The following PTPRD variants were observed in gnomAD, a reference collection of about 807,000 sequenced individuals.
The protein encoded by PTPRD is receptor-type tyrosine-protein phosphatase delta.
PTPRD carries 34 observed loss-of-function variants against 214.5 expected under a neutral mutation model. The ratio of observed to expected loss-of-function variants is 0.16; its 90% CI spans 0.12 to 0.21. The LOEUF (loss-of-function observed/expected upper bound fraction) is 0.21, where lower values mean the gene tolerates loss of function less well. Among genes scored for constraint, PTPRD ranks in the 10% least tolerant of loss-of-function variants. The probability of loss-of-function intolerance (pLI) is 1.00; values close to 1 mark genes in which losing one functional copy is unlikely to be tolerated. For synonymous variants in PTPRD, 1,128 were observed against 845.7 expected (o/e 1.33, Z -5.79); for missense variants, 2,545 against 2,398.7 (o/e 1.06, Z -1.27).
intron 7 of PTPRD, among the ~76,000 whole-genome samples, chr9:9,696,853 T>C (rs1400548079): frequency 6.6e-6 from 1 of 152,106 alleles, no homozygotes; most frequent in Non-Finnish European, 1.5e-5. Context: ...GTTACTTGCT[T>C]TCTGGTTGTT....
rs536041445 is a variant in PTPRD, at chr9:8,983,052, A to G, written c.-104+35645T>C. On this transcript the variant is annotated intron_variant, in intron 11 of 45. Coordinates refer to ENST00000381196, the MANE Select transcript of PTPRD (RefSeq NM_002839.4). ...ACTCTTTAATGTACTGTGGAAAAAA[A>G]TCTATTTGATGGGATACACTTTTTC... Among the ~76,000 whole-genome samples, 82 of 152,182 alleles carry G rather than the reference A, an allele frequency of 5.4e-4. 1 individual carries two copies. The South Asian group carries it at 0.016, about 30-fold the overall frequency.
chr9:9,681,764 A>T (rs2097077639), intron 7 of PTPRD, among the ~76,000 whole-genome samples: 1 of 151,844 alleles, frequency 6.6e-6, no homozygotes, highest in African/African-American at 2.4e-5. Flanking sequence ...TACTTTAATT[A>T]AAAGGTGGTC....
intron 4 of PTPRD, among the ~76,000 whole-genome samples, chr9:9,957,342 A>C (rs1404020422): frequency 1.3e-5 from 2 of 152,194 alleles, no homozygotes; most frequent in East Asian, 3.8e-4. Context: ...AGACATATTG[A>C]TACAAAGCTT....
chr9:10,434,615 T>C (rs1285707166), intron 2 of PTPRD, among the ~76,000 whole-genome samples: 1 of 151,884 alleles, frequency 6.6e-6, no homozygotes, highest in Non-Finnish European at 1.5e-5. Context: ...TAGTAAAGGC[T>C]AACAGAGTCA....
At chr9:9,946,340 CTG>C (rs1566604883) in intron 4 of PTPRD, among the ~76,000 whole-genome samples, 1 of 152,082 alleles carries the variant, frequency 6.6e-6, no homozygotes, top group Non-Finnish European at 1.5e-5. Context: ...ATAAGTATAA[CTG>C]AGAGATGCAC....
At chr9:10,035,813 T>C (rs1240866558) in intron 3 of PTPRD, among the ~76,000 whole-genome samples, 2 of 144,800 alleles carry the variant, frequency 1.4e-5, no homozygotes, top group Non-Finnish European at 3.0e-5. Context: ...ATAATAAAAG[T>C]TTACTTCATT....
chr9:8,930,322 T>A (rs917092063), intron 11 of PTPRD, among the ~76,000 whole-genome samples: 1 of 152,246 alleles, frequency 6.6e-6, no homozygotes, highest in South Asian at 2.1e-4. Flanking sequence ...TAGTATTCCA[T>A]GGTGTATATG....
chr9:10,121,739 A>C (rs1288636595), intron 3 of PTPRD, among the ~76,000 whole-genome samples: 1 of 152,154 alleles, frequency 6.6e-6, no homozygotes, highest in African/African-American at 2.4e-5. Flanking sequence ...CTGTAACTTA[A>C]ATATTGAGTC....
intron 3 of PTPRD, among the ~76,000 whole-genome samples, chr9:10,183,064 G>T (rs1246585840): frequency 6.6e-6 from 1 of 152,064 alleles, no homozygotes; most frequent in African/African-American, 2.4e-5. Flanking sequence ...ATAAGAATAA[G>T]AATAATGCTA....
rs1566280789 is a variant in PTPRD at position 10,469,747 on chromosome 9, T to C, written c.-599-128730A>G. On this transcript the variant is annotated intron_variant, in intron 2 of 45. Coordinates refer to ENST00000381196, the MANE Select transcript of PTPRD (RefSeq NM_002839.4). ...AGCACTATTCACAGTAGCCAATATA[T>C]AGAACCAACCCAAGTGTCCATGAAT... is the stretch of plus-strand genomic sequence containing the variant. Among the ~76,000 whole-genome samples, 2 of 152,014 alleles carry C rather than the reference T, an allele frequency of 1.3e-5. 1 individual carries two copies. The highest frequency in any genetic ancestry group is 4.1e-4 in the South Asian group (2 of 4,826).
intron 3 of PTPRD, among the ~76,000 whole-genome samples, chr9:10,133,731 A>T (rs1227446151): frequency 6.6e-6 from 1 of 152,182 alleles, no homozygotes; most frequent in Non-Finnish European, 1.5e-5. Context: ...CCTGTTTTAA[A>T]TAATTTTTGA....
chr9:9,831,062 G>T (rs538972504), intron 5 of PTPRD, among the ~76,000 whole-genome samples: 1 of 151,998 alleles, frequency 6.6e-6, no homozygotes, highest in East Asian at 1.9e-4. Flanking sequence ...AAGGTGAAAT[G>T]CCTTATTTAT....
At chr9:9,217,664 T>C (rs983863379) in intron 9 of PTPRD, among the ~76,000 whole-genome samples, 2 of 152,054 alleles carry the variant, frequency 1.3e-5, no homozygotes, top group African/African-American at 4.8e-5. Flanking sequence ...CAGAATAAAG[T>C]CCAGACTTCC....
intron 2 of PTPRD, among the ~76,000 whole-genome samples, chr9:10,428,989 G>T (rs888378879): frequency 5.3e-5 from 8 of 151,912 alleles, no homozygotes; most frequent in African/African-American, 1.9e-4. Flanking sequence ...GTTGGTTGTG[G>T]CAATGTCTGG....
At chr9:9,299,920 C>T (rs544930539) in intron 9 of PTPRD, among the ~76,000 whole-genome samples, 6 of 150,288 alleles carry the variant, frequency 4.0e-5, no homozygotes, top group South Asian at 2.1e-4. Flanking sequence ...TTTTACTCTA[C>T]GTGACAGCTA....
At chr9:9,742,590 T>A (rs1201542903) in intron 6 of PTPRD, among the ~76,000 whole-genome samples, 1 of 152,092 alleles carries the variant, frequency 6.6e-6, no homozygotes, top group Non-Finnish European at 1.5e-5. Flanking sequence ...CATGTTATGC[T>A]AAAACTTTGA....
intron 8 of PTPRD, among the ~76,000 whole-genome samples, chr9:9,485,982 T>G (rs2095613031): frequency 6.6e-6 from 1 of 151,290 alleles, no homozygotes; most frequent in African/African-American, 2.4e-5. Flanking sequence ...GAAACCTCTT[T>G]TCTACTAAAA....
At chr9:10,402,309 T>C (rs150297100) in intron 2 of PTPRD, among the ~76,000 whole-genome samples, 1 of 151,872 alleles carries the variant, frequency 6.6e-6, no homozygotes, top group East Asian at 1.9e-4. Context: ...TATACTTCTA[T>C]GAACTCTCTG....
At chr9:8,547,697 A>C (rs549292789) in intron 14 of PTPRD, among the ~76,000 whole-genome samples, 1 of 152,176 alleles carries the variant, frequency 6.6e-6, no homozygotes, top group Non-Finnish European at 1.5e-5. Context: ...GAAAAGTCAC[A>C]GGCATTGGAT....
Sources: allele counts gnomAD v4.1 joint callset (sites outside exome capture counted in the v4.1 genomes callset), GRCh38; gene constraint gnomAD v4.1.1; transcripts MANE v1.5; gene names NCBI Gene and HGNC (gene_info 2026-07-23, HGNC 2026-07-21).